Variants in SGIP1 observed in about 807,000 individuals in gnomAD.
The protein encoded by SGIP1 is SH3GL interacting endocytic adaptor 1.
In SGIP1, 38 loss-of-function variants were observed where a neutral mutation model predicts 107.5. The ratio of observed to expected loss-of-function variants is 0.35; its 90% CI spans 0.27 to 0.46. SGIP1 has a LOEUF of 0.46. SGIP1 is among the 20% of genes least tolerant of loss of function. The pLI, the probability that SGIP1 is intolerant of heterozygous loss-of-function variation, is 1.00. For missense variants in SGIP1, 929 were observed against 1,019.5 expected (o/e 0.91, Z 1.21); for synonymous variants, 365 against 366.1 (o/e 1.00, Z 0.03).
chr1:66,679,522 C>A (rs1235518441), intron 13 of SGIP1, among the ~76,000 whole-genome samples, 156 bp from the exon 14 acceptor site: 1 of 152,200 alleles, frequency 6.6e-6, no homozygotes, highest in Non-Finnish European at 1.5e-5. Flanking sequence ...TGCCTCAGTT[C>A]TTTGGCTTTG....
intron 19 of SGIP1, among the ~76,000 whole-genome samples, chr1:66,721,064 A>G (rs1466293773): frequency 1.3e-5 from 2 of 152,170 alleles, no homozygotes; most frequent in Non-Finnish European, 2.9e-5. Context: ...TATGCCCAGA[A>G]TATTATAGAG....
At chr1:66,553,401 C>T (rs796364867) in intron 1 of SGIP1, among the ~76,000 whole-genome samples, 35 of 151,876 alleles carry the variant, frequency 2.3e-4, no homozygotes, top group African/African-American at 8.0e-4. Flanking sequence ...AACGGCTGGA[C>T]GTGGTAGTTC....
At chr1:66,597,928 G>A (rs573276018) in intron 1 of SGIP1, among the ~76,000 whole-genome samples, 1 of 152,126 alleles carries the variant, frequency 6.6e-6, no homozygotes, top group Non-Finnish European at 1.5e-5. Context: ...CAACATTACT[G>A]AAAAAGTAGT....
chr1:66,639,680 T>C (rs558159150), intron 4 of SGIP1, 97 bp from the exon 5 acceptor site: 2 of 981,214 alleles, frequency 2.0e-6, no homozygotes, highest in African/African-American at 1.6e-5. Context: ...TGGATTTTGA[T>C]AGCTTTTGCT....
At chr1:66,591,666 G>T (rs2063649302) in intron 1 of SGIP1, among the ~76,000 whole-genome samples, 1 of 152,202 alleles carries the variant, frequency 6.6e-6, no homozygotes, top group East Asian at 1.9e-4. Context: ...TGTAGAGAAA[G>T]AACAGTGGGC....
chr1:66,612,769 ACT>A (rs1476634459), intron 1 of SGIP1, among the ~76,000 whole-genome samples: 1 of 152,180 alleles, frequency 6.6e-6, no homozygotes, highest in Non-Finnish European at 1.5e-5. Flanking sequence ...ATGTAACAAA[ACT>A]CTGTGAGGAT....
At chr1:66,643,756 G>A (rs2077171640) in intron 7 of SGIP1, 37 bp downstream of exon 7, 1 of 1,554,988 alleles carries the variant, frequency 6.4e-7, no homozygotes, top group Non-Finnish European at 8.7e-7. Flanking sequence ...GCTTTAGTGA[G>A]ATTGAACAGG....
In SGIP1 at chr1:66,746,386, T is replaced by C. The variant is rs665379; in HGVS notation, c.*3291T>C. On this transcript the variant is annotated 3_prime_UTR_variant, in exon 25 of 25. Coordinates refer to ENST00000371037, the MANE Select transcript of SGIP1 (RefSeq NM_032291.4). ...CAGGAGTTTCTCCAACAGTTTAAATTGGGGCTCCCCAGAGCATGGTTTAAA... is the reference window on the plus strand; with the variant it reads ...CAGGAGTTTCTCCAACAGTTTAAATCGGGGCTCCCCAGAGCATGGTTTAAA... 0.84 allele frequency: 128,447 copies of C among 152,052 alleles called. 54,514 individuals are homozygous for C. The highest frequency in any genetic ancestry group is 0.92 in the African/African-American group (38,383 of 41,540). 9.4% of individuals were successfully genotyped at this position (152,052 alleles called of 1,614,324 possible). A position where few individuals can be genotyped will look rare whatever the true frequency, so the allele number is the denominator to read the frequency against.
chr1:66,592,706 G>A (rs1308955563), intron 1 of SGIP1, among the ~76,000 whole-genome samples: 1 of 152,068 alleles, frequency 6.6e-6, no homozygotes, highest in Non-Finnish European at 1.5e-5. Context: ...TAGAATCATA[G>A]AGAATAGTTT....
chr1:66,671,677 G>C (rs913278320), intron 10 of SGIP1, among the ~76,000 whole-genome samples: 3 of 152,176 alleles, frequency 2.0e-5, no homozygotes, highest in African/African-American at 4.8e-5. Flanking sequence ...TTCACTAAGT[G>C]CTGCACTATA....
intron 18 of SGIP1, among the ~76,000 whole-genome samples, chr1:66,717,566 A>G (rs1366220303): frequency 6.6e-6 from 1 of 152,138 alleles, no homozygotes; most frequent in African/African-American, 2.4e-5. Context: ...TTAGCCATGC[A>G]CACTCCAACT....
chr1:66,646,000 C>T (rs1296062167), intron 7 of SGIP1, among the ~76,000 whole-genome samples: 1 of 152,102 alleles, frequency 6.6e-6, no homozygotes, highest in Non-Finnish European at 1.5e-5. Context: ...GCCACCATGC[C>T]TGGCTACTTT....
intron 1 of SGIP1, among the ~76,000 whole-genome samples, chr1:66,557,408 A>G (rs1208076388): frequency 6.6e-6 from 1 of 152,114 alleles, no homozygotes; most frequent in Non-Finnish European, 1.5e-5. Flanking sequence ...AAATGTGAAA[A>G]TTGCTCAGTA....
At chr1:66,734,011 A>T (rs2094127844) in intron 21 of SGIP1, 131 bp downstream of exon 21, 3 of 1,007,118 alleles carry the variant, frequency 3.0e-6, no homozygotes, top group Non-Finnish European at 4.0e-6. Context: ...TCATTTTTTT[A>T]AATGGAAACT....
chr1:66,609,831 T>C (rs762281283), intron 1 of SGIP1, among the ~76,000 whole-genome samples: 7 of 152,220 alleles, frequency 4.6e-5, no homozygotes, highest in Non-Finnish European at 8.8e-5. Flanking sequence ...CAAAATACAT[T>C]TGTGGAGAGC....
intron 1 of SGIP1, among the ~76,000 whole-genome samples, chr1:66,541,416 ATTC>A (rs1303519021): frequency 3.3e-5 from 5 of 152,246 alleles, no homozygotes; most frequent in Non-Finnish European, 1.5e-5. Flanking sequence ...CCTTGGGCTC[ATTC>A]TTCTCACACA....
At chr1:66,601,774 CT>C in intron 1 of SGIP1, among the ~76,000 whole-genome samples, 1 of 152,228 alleles carries the variant, frequency 6.6e-6, no homozygotes, top group African/African-American at 2.4e-5. Flanking sequence ...AGGAGCCCTA[CT>C]TTTTTTACCG....
intron 18 of SGIP1, among the ~76,000 whole-genome samples, chr1:66,716,073 A>G (rs2093222561): frequency 6.6e-6 from 1 of 152,134 alleles, no homozygotes; most frequent in Non-Finnish European, 1.5e-5. Context: ...CATTTAGATA[A>G]CAAGTGTCAG....
At chr1:66,674,804 GA>G (rs758478545) in intron 12 of SGIP1, among the ~76,000 whole-genome samples, 1 of 152,212 alleles carries the variant, frequency 6.6e-6, no homozygotes. Flanking sequence ...AACTAGAAGA[GA>G]TACAAGTCAC....
Sources: gnomAD v4.1 joint callset for allele counts (sites outside exome capture counted in the v4.1 genomes callset) on GRCh38, gnomAD v4.1.1 for gene constraint, MANE v1.5 for transcripts, NCBI Gene and HGNC (gene_info 2026-07-23, HGNC 2026-07-21) for gene names.